SPDYE5: variants seen among roughly 807,000 people sequenced by gnomAD.
SPDYE5 encodes speedy protein E5.
Under a neutral mutation model 48.5 loss-of-function variants are expected in SPDYE5, and 15 were observed. That is an observed-to-expected ratio of 0.31 (90% CI 0.21 to 0.48). The LOEUF is 0.48. SPDYE5 is among the 20% of genes least tolerant of loss of function. The probability of loss-of-function intolerance (pLI) is 0.99; values close to 1 mark genes in which losing one functional copy is unlikely to be tolerated. For missense variants in SPDYE5, 331 were observed against 549.1 expected (o/e 0.60, Z 3.97); for synonymous variants, 116 against 200.7 (o/e 0.58, Z 3.57).
rs1792796253 is a variant in SPDYE5 at position 75,493,100 on chromosome 7, C to G, written c.-421-527C>G. On this transcript the variant is annotated intron_variant, in intron 1 of 8. Coordinates refer to ENST00000625065, the MANE Select transcript of SPDYE5 (RefSeq NM_001306141.4). ...TACAAGCATGAGCCACTGTGCACAGCTGAAATTTTCGACTTAGTCTTTTTG... is the reference window on the plus strand; with the variant it reads ...TACAAGCATGAGCCACTGTGCACAGGTGAAATTTTCGACTTAGTCTTTTTG... Among the ~76,000 whole-genome samples the G allele has an allele frequency of 3.3e-5, 5 of 152,182 alleles. No homozygotes were observed. The South Asian group carries it at 1.0e-3, about 32-fold the overall frequency.
intron 1 of SPDYE5, among the ~76,000 whole-genome samples, chr7:75,493,404 G>A (rs1398110611): frequency 1.9e-4 from 29 of 150,932 alleles, no homozygotes; most frequent in East Asian, 8.1e-4. Flanking sequence ...ATAGAATCTC[G>A]GACAGTGAAT....
intron 6 of SPDYE5, among the ~76,000 whole-genome samples, 186 bp from the exon 7 acceptor site, chr7:75,501,176 A>C (rs1259857333): frequency 2.4e-4 from 36 of 152,018 alleles, no homozygotes; most frequent in Admixed American, 2.4e-3. Context: ...ATCCTGAAGG[A>C]GTGGGAGACG....
In SPDYE5 at chr7:75,501,940, C is replaced by T. The variant is rs782206038; in HGVS notation, c.*3C>T. ...GAGATCGCGCTCACCTTTCCTAGAGCTCCAGGGACCGTGGAGGCCTGAGGT... is the reference window on the plus strand; with the variant it reads ...GAGATCGCGCTCACCTTTCCTAGAGTTCCAGGGACCGTGGAGGCCTGAGGT... On this transcript the variant is annotated 3_prime_UTR_variant, in exon 8 of 9. Coordinates refer to ENST00000625065, the MANE Select transcript of SPDYE5 (RefSeq NM_001306141.4). 1.9e-6 allele frequency: 3 copies of T among 1,607,262 alleles called. No individual in the cohort carries two copies. Among genetic ancestry groups the T allele is most frequent in the South Asian group, 2.2e-5 (2 of 90,870 alleles).
In SPDYE5 at chr7:75,494,165, C is replaced by A; in HGVS notation, c.118C>A (p.Pro40Thr). The A allele has an allele frequency of 1.3e-6, 2 of 1,535,064 alleles. No homozygotes were observed. The highest frequency in any genetic ancestry group is 1.7e-6 in the Non-Finnish European group (2 of 1,146,736). ...TCCCCAGCGGAGCACCTCGGGGTACCCCCTCCAGGAGGTGGTGGATGATGA... is the reference window on the plus strand; with the variant it reads ...TCCCCAGCGGAGCACCTCGGGGTACACCCTCCAGGAGGTGGTGGATGATGA... ...QSPQRSTSGY[P>T]LQEVVDDEVL... Residue 40 changes from proline to threonine, a missense_variant, in exon 2 of 9, where the codon CCC becomes ACC. This residue lies in a region of SPDYE5 where 67 missense variants were observed against 55.7 expected (regional missense o/e 1.20). Transcript: ENST00000625065.
At chr7:75,495,634 G>C (rs200828181) in intron 3 of SPDYE5, among the ~76,000 whole-genome samples, 1,736 of 131,090 alleles carry the variant, frequency 0.013, no homozygotes, top group Non-Finnish European at 0.019. Flanking sequence ...ATCCTAGCAC[G>C]TTGGGAGGCT....
In SPDYE5 at chr7:75,504,043, T is replaced by C. The variant is rs1793241066; in HGVS notation, c.*1256T>C. ...AAGGGAGCATGGTTTTTATCTGTGA[T>C]ACTTAGTTAACATATATATTACATT... On this transcript the variant is annotated 3_prime_UTR_variant, in exon 9 of 9. Transcript: ENST00000625065. The C allele has an allele frequency of 6.6e-6, 1 of 152,104 alleles. No individual in the cohort carries two copies. The highest frequency in any genetic ancestry group is 1.5e-5 in the Non-Finnish European group (1 of 68,016). The allele number at this position is 152,104 out of a possible 1,614,324, so 9.4% of individuals were successfully genotyped here.
rs782010358 is a variant in SPDYE5 at position 75,501,868 on chromosome 7, G to C, written c.1150-10G>C. 3.7e-6 allele frequency: 6 copies of C among 1,610,690 alleles called. No individual in the cohort carries two copies. In the South Asian group the frequency reaches 6.6e-5, roughly 18 times the overall value. On this transcript the variant is annotated splice_polypyrimidine_tract_variant and intron_variant, in intron 7 of 8. Transcript: ENST00000625065. ...GTCCCCGTCTTCTCAAAGGGCGTTT[G>C]TTTTTCCAGATCCAGGCTTATGACC... is the stretch of plus-strand genomic sequence containing the variant.
At chr7:75,499,019 C>A (rs1274188194) in intron 5 of SPDYE5, among the ~76,000 whole-genome samples, 3 of 147,730 alleles carry the variant, frequency 2.0e-5, no homozygotes, top group African/African-American at 7.3e-5. Flanking sequence ...ATCCTGGGAG[C>A]ATCACCCAAA....
At chr7:75,499,729 C>A (rs1184097048) in intron 6 of SPDYE5, among the ~76,000 whole-genome samples, 1 of 141,026 alleles carries the variant, frequency 7.1e-6, no homozygotes, top group Admixed American at 7.4e-5. Flanking sequence ...GTCGAGCCAC[C>A]GCACTCCAGC....
intron 3 of SPDYE5, 37 bp from the exon 4 acceptor site, chr7:75,496,637 C>T (rs1554482604): frequency 6.3e-7 from 1 of 1,597,446 alleles, no homozygotes; most frequent in Non-Finnish European, 8.5e-7. Flanking sequence ...TGATCAACTG[C>T]AGAAGCATTA....
At chr7:75,494,662 G>A (rs587744355) in intron 2 of SPDYE5, among the ~76,000 whole-genome samples, 5 of 152,150 alleles carry the variant, frequency 3.3e-5, no homozygotes, top group Non-Finnish European at 5.9e-5. Context: ...CAAGGCAGGC[G>A]GATCACTTGA....
At chr7:75,500,717 T>A (rs1641958993) in intron 6 of SPDYE5, among the ~76,000 whole-genome samples, 1 of 152,076 alleles carries the variant, frequency 6.6e-6, no homozygotes, top group Non-Finnish European at 1.5e-5. Flanking sequence ...TGTTTGTTTG[T>A]TTGATTATTG....
At position 75,501,057 on chromosome 7, in the gene SPDYE5, C is replaced by T. The variant is rs587760454; in HGVS notation, c.756-305C>T. Among the ~76,000 whole-genome samples, 3 of 152,278 alleles carry T rather than the reference C, an allele frequency of 2.0e-5. No homozygotes were observed. The East Asian group carries it at 5.8e-4, about 29-fold the overall frequency. On this transcript the variant is annotated intron_variant, in intron 6 of 8. Transcript: ENST00000625065. ...CGAGGGTCTTGCTATGTTGCCCAGGCCCGTCTCAAACTCCTGGCCTCAAGT... is the reference window on the plus strand; with the variant it reads ...CGAGGGTCTTGCTATGTTGCCCAGGTCCGTCTCAAACTCCTGGCCTCAAGT...
intron 2 of SPDYE5, 111 bp downstream of exon 2, chr7:75,494,318 G>A (rs1792844114): frequency 1.4e-6 from 2 of 1,442,548 alleles, no homozygotes; most frequent in Non-Finnish European, 1.8e-6. Flanking sequence ...GGCCGAGGCG[G>A]GCGGATCACC....
chr7:75,496,341 C>T (rs1306424738), intron 3 of SPDYE5, among the ~76,000 whole-genome samples: 24 of 143,522 alleles, frequency 1.7e-4, no homozygotes, highest in Admixed American at 8.7e-4. Context: ...GAGCCAAGAT[C>T]GCACCACTAC....
chr7:75,493,547 A>ATGATAATCTCACTCTTGTACC (rs1792812842), intron 1 of SPDYE5, 80 bp from the exon 2 acceptor site: 1 of 653,230 alleles, frequency 1.5e-6, no homozygotes, highest in African/African-American at 1.9e-5. Flanking sequence ...ACTCTTGTAC[A>ATGATAATCTCACTCTTGTACC]TGATAATCTC....
In SPDYE5 at chr7:75,494,162, T is replaced by G. The variant is rs201571525; in HGVS notation, c.115T>G (p.Tyr39Asp). 11,074 of 1,535,092 alleles carry G rather than the reference T, an allele frequency of 7.2e-3. 59 individuals are homozygous for G. Among genetic ancestry groups the G allele is most frequent in the Non-Finnish European group, 9.0e-3 (10,282 of 1,146,754 alleles). ...EQSPQRSTSGYPLQEVVDDEV... is the reference protein window; with the variant it reads ...EQSPQRSTSGDPLQEVVDDEV... The stretch of plus-strand genomic sequence containing the variant: ...GAGTCCCCAGCGGAGCACCTCGGGG[T>G]ACCCCCTCCAGGAGGTGGTGGATGA... Residue 39 changes from tyrosine to aspartate, a missense_variant, in exon 2 of 9, where the codon TAC becomes GAC. Around this residue, in one of 8 missense-constraint regions of SPDYE5, gnomAD observed 67 missense variants for 55.7 expected, o/e 1.20. Transcript: ENST00000625065.
At position 75,494,191 on chromosome 7, in the gene SPDYE5, A is replaced by C. The variant is rs1305566452; in HGVS notation, c.144A>C (p.Glu48Asp). The C allele has an allele frequency of 1.3e-6, 2 of 1,534,686 alleles. No individual in the cohort carries two copies. Among genetic ancestry groups the C allele is most frequent in the African/African-American group, 2.7e-5 (2 of 72,882 alleles). ...CCCTCCAGGAGGTGGTGGATGATGAAGTGTTGGGACCATCAGGTGAGGGGA... is the reference window on the plus strand; with the variant it reads ...CCCTCCAGGAGGTGGTGGATGATGACGTGTTGGGACCATCAGGTGAGGGGA... ...GYPLQEVVDD[E>D]VLGPSAPGVD... The change falls in exon 2 of 9, where the codon GAA (glutamate) becomes GAC (aspartate). Residue 48 changes from glutamate to aspartate, a missense_variant. By Grantham distance (45) the Glu-to-Asp change is conservative. This residue lies in a region of SPDYE5 where 65 missense variants were observed against 138.2 expected (regional missense o/e 0.47). Transcript: ENST00000625065.
chr7:75,502,716 C>G (rs1214367041), intron 8 of SPDYE5, 117 bp from the exon 9 acceptor site: 41 of 1,146,394 alleles, frequency 3.6e-5, no homozygotes, highest in Middle Eastern at 4.0e-4. Flanking sequence ...TGAAAGGCAG[C>G]AGATAAAATT....
Sources: allele counts gnomAD v4.1 joint callset (sites outside exome capture counted in the v4.1 genomes callset), GRCh38; gene constraint gnomAD v4.1.1; regional missense constraint gnomAD v4.1.1; transcripts MANE v1.5; gene names NCBI Gene and HGNC (gene_info 2026-07-23, HGNC 2026-07-21).